The following LRRC63 variants were observed in gnomAD, a reference collection of about 807,000 sequenced individuals.
The protein encoded by LRRC63 is leucine-rich repeat-containing protein 63.
LRRC63 carries 40 observed loss-of-function variants against 49.5 expected under a neutral mutation model. The ratio of observed to expected loss-of-function variants is 0.81; its 90% CI spans 0.63 to 1.05. The LOEUF is 1.05. Ranked by LOEUF, LRRC63 falls within the 50% of genes least tolerant of loss-of-function variation. The pLI, the probability that LRRC63 is intolerant of heterozygous loss-of-function variation, is 0.00. For missense variants in LRRC63, 636 were observed against 663.1 expected (o/e 0.96, Z 0.45); for synonymous variants, 191 against 221.1 (o/e 0.86, Z 1.21).
At chr13:46,256,882 G>A (rs571636996) in intron 7 of LRRC63, among the ~76,000 whole-genome samples, 7 of 152,266 alleles carry the variant, frequency 4.6e-5, no homozygotes, top group Admixed American at 2.0e-4. Context: ...GTGATAGGGC[G>A]AATAATGGTC....
At chr13:46,250,442 C>T in exon 7 of LRRC63, 2 of 1,536,430 alleles carry the variant, frequency 1.3e-6, no homozygotes, top group African/African-American at 1.4e-5. Context: ...ACTTGAGTTC[C>T]TTAGAATTTT....
At chr13:46,237,716 G>C (rs1168978403) in intron 5 of LRRC63, among the ~76,000 whole-genome samples, 1 of 152,066 alleles carries the variant, frequency 6.6e-6, no homozygotes, top group Non-Finnish European at 1.5e-5. Context: ...CTAAGTAAAA[G>C]AGAGAGAATG....
chr13:46,272,750 C>T (rs2047777478), intron 9 of LRRC63, among the ~76,000 whole-genome samples: 1 of 152,134 alleles, frequency 6.6e-6, no homozygotes, highest in African/African-American at 2.4e-5. Flanking sequence ...CATTATGATG[C>T]TGTTAATAAG....
intron 6 of LRRC63, among the ~76,000 whole-genome samples, chr13:46,247,720 G>C (rs545397132): frequency 6.6e-6 from 1 of 152,120 alleles, no homozygotes; most frequent in Non-Finnish European, 1.5e-5. Flanking sequence ...TGAGGTAAGT[G>C]GGGTGATTCA....
intron 2 of LRRC63, among the ~76,000 whole-genome samples, chr13:46,214,263 C>T (rs2046181513): frequency 6.6e-6 from 1 of 152,164 alleles, no homozygotes; most frequent in African/African-American, 2.4e-5. Flanking sequence ...CATCTTTTGA[C>T]CTATGGCTAT....
chr13:46,262,665 T>C (rs2047631711), intron 8 of LRRC63, among the ~76,000 whole-genome samples: 1 of 152,150 alleles, frequency 6.6e-6, no homozygotes, highest in Admixed American at 6.5e-5. Context: ...TTTTTTCAGA[T>C]CTTGTTTTAT....
chr13:46,250,738 A>C (rs909594639), intron 7 of LRRC63, among the ~76,000 whole-genome samples: 4 of 151,998 alleles, frequency 2.6e-5, no homozygotes, highest in Admixed American at 6.6e-5. Context: ...TTAAATTAAC[A>C]GGAATTATCT....
At chr13:46,275,340 A>G (rs570291438) in intron 9 of LRRC63, among the ~76,000 whole-genome samples, 1 of 152,134 alleles carries the variant, frequency 6.6e-6, no homozygotes, top group Admixed American at 6.5e-5. Context: ...AATACCCAGT[A>G]ATGAGATTGC....
intron 2 of LRRC63, among the ~76,000 whole-genome samples, chr13:46,217,819 T>A (rs2046296225): frequency 6.6e-6 from 1 of 152,206 alleles, no homozygotes; most frequent in Non-Finnish European, 1.5e-5. Context: ...TTCGTTCTCA[T>A]TGGTTTCAAA....
At chr13:46,225,502 T>G (rs989207252) in intron 2 of LRRC63, among the ~76,000 whole-genome samples, 2 of 152,146 alleles carry the variant, frequency 1.3e-5, no homozygotes, top group African/African-American at 4.8e-5. Flanking sequence ...ATCAAACTAA[T>G]GAGTATAAAT....
chr13:46,227,977 G>T (rs1263339561), exon 3 of LRRC63: 2 of 1,550,982 alleles, frequency 1.3e-6, no homozygotes, highest in East Asian at 4.9e-5. Context: ...TTACCAGAGA[G>T]TCCAGGCTAT....
intron 5 of LRRC63, among the ~76,000 whole-genome samples, chr13:46,234,980 A>G (rs2046865819): frequency 6.6e-6 from 1 of 152,204 alleles, no homozygotes; most frequent in Non-Finnish European, 1.5e-5. Context: ...GAAAAGCTAC[A>G]GAGAGTTTAT....
intron 4 of LRRC63, 88 bp from the exon 5 acceptor site, chr13:46,234,104 A>G (rs2046838577): frequency 8.8e-6 from 11 of 1,254,548 alleles, no homozygotes; most frequent in Non-Finnish European, 1.2e-5. Flanking sequence ...GGGTAACTCA[A>G]TATTATCATA....
intron 9 of LRRC63, among the ~76,000 whole-genome samples, chr13:46,268,993 A>G (rs936150948): frequency 6.6e-6 from 1 of 152,074 alleles, no homozygotes; most frequent in Non-Finnish European, 1.5e-5. Flanking sequence ...GAAAAAGCTG[A>G]AGCTTTATAG....
intron 5 of LRRC63, among the ~76,000 whole-genome samples, chr13:46,235,155 G>A (rs923289914): frequency 1.3e-5 from 2 of 152,104 alleles, no homozygotes; most frequent in Admixed American, 6.5e-5. Flanking sequence ...AAAGGCTAAG[G>A]TGGTTGTAAA....
chr13:46,234,534 A>T (rs1271076799), intron 5 of LRRC63, among the ~76,000 whole-genome samples, 185 bp downstream of exon 5: 1 of 152,218 alleles, frequency 6.6e-6, no homozygotes, highest in Non-Finnish European at 1.5e-5. Flanking sequence ...CAGTTTAAAA[A>T]GATTCTGAGG....
chr13:46,247,215 C>G (rs529558381), intron 6 of LRRC63, among the ~76,000 whole-genome samples: 7 of 152,112 alleles, frequency 4.6e-5, no homozygotes, highest in Admixed American at 1.3e-4. Context: ...TTATTTTTGG[C>G]AAATGTATTT....
intron 8 of LRRC63, among the ~76,000 whole-genome samples, 196 bp from the exon 9 acceptor site, chr13:46,266,537 C>T (rs1429782812): frequency 3.9e-5 from 6 of 152,120 alleles, no homozygotes; most frequent in Non-Finnish European, 7.4e-5. Context: ...CTCAAAGGCA[C>T]TTATTTGCAT....
At chr13:46,219,732 G>A (rs897238284) in intron 2 of LRRC63, among the ~76,000 whole-genome samples, 2 of 152,148 alleles carry the variant, frequency 1.3e-5, no homozygotes, top group African/African-American at 2.4e-5. Context: ...CCTCATCTTC[G>A]TGGATTTATC....
Sources: gnomAD v4.1 joint callset for allele counts (sites outside exome capture counted in the v4.1 genomes callset) on GRCh38, gnomAD v4.1.1 for gene constraint, MANE v1.5 for transcripts, NCBI Gene and HGNC (gene_info 2026-07-23, HGNC 2026-07-21) for gene names.